Variants in SOX5 observed in about 807,000 individuals in gnomAD.
The protein encoded by SOX5 is transcription factor SOX-5.
A neutral mutation model predicts 92.0 loss-of-function variants in SOX5; 9 were observed. The ratio of observed to expected loss-of-function variants is 0.10; its 90% CI spans 0.06 to 0.17. The LOEUF is 0.17. SOX5 is among the 10% of genes least tolerant of loss of function. The pLI is 1.00. For missense variants in SOX5, 642 were observed against 944.5 expected (o/e 0.68, Z 4.20); for synonymous variants, 344 against 336.3 (o/e 1.02, Z -0.25).
chr12:24,422,395 A>G (rs2136945820), intron 1 of SOX5, among the ~76,000 whole-genome samples: 1 of 152,302 alleles, frequency 6.6e-6, no homozygotes. Flanking sequence ...GGAATAAAGC[A>G]TTTAATTCCC....
intron 1 of SOX5, among the ~76,000 whole-genome samples, chr12:24,516,801 G>A (rs537269221): frequency 3.6e-4 from 55 of 152,178 alleles, no homozygotes; most frequent in African/African-American, 1.2e-3. Flanking sequence ...AGTATTTTCA[G>A]CATAATTTTT....
intron 1 of SOX5, among the ~76,000 whole-genome samples, chr12:24,401,708 TAAAA>T (rs71063321): frequency 2.6e-4 from 26 of 99,460 alleles, no homozygotes; most frequent in Admixed American, 4.7e-4. Context: ...ACCCTATCTT[TAAAA>T]AAAAAAAAAA....
chr12:24,310,429 C>T (rs956100862), intron 2 of SOX5, among the ~76,000 whole-genome samples: 1 of 152,114 alleles, frequency 6.6e-6, no homozygotes, highest in African/African-American at 2.4e-5. Flanking sequence ...TATTTAAAAG[C>T]TTTCCTGAAA....
chr12:23,603,455 T>C (rs2074816631), intron 9 of SOX5, among the ~76,000 whole-genome samples: 1 of 144,946 alleles, frequency 6.9e-6, no homozygotes. Flanking sequence ...AATATATATA[T>C]ATATATATAT....
At chr12:24,384,329 G>A (rs1290543006) in intron 1 of SOX5, among the ~76,000 whole-genome samples, 1 of 152,122 alleles carries the variant, frequency 6.6e-6, no homozygotes, top group Non-Finnish European at 1.5e-5. Context: ...GGTAATGCTG[G>A]CTCACCTGCT....
At chr12:24,458,182 G>A (rs989382176) in intron 1 of SOX5, among the ~76,000 whole-genome samples, 2 of 152,014 alleles carry the variant, frequency 1.3e-5, no homozygotes, top group South Asian at 4.1e-4. Context: ...GTTAAATCTG[G>A]CAACGTATCC....
chr12:23,709,561 C>T (rs879523087), intron 6 of SOX5, among the ~76,000 whole-genome samples: 6 of 152,144 alleles, frequency 3.9e-5, no homozygotes, highest in Admixed American at 2.0e-4. Context: ...CAAAATCCTA[C>T]GAGAGCCGCT....
At chr12:24,294,280 GT>G (rs75673184) in intron 2 of SOX5, among the ~76,000 whole-genome samples, 165 of 144,970 alleles carry the variant, frequency 1.1e-3, no homozygotes, top group African/African-American at 2.8e-3. Context: ...TAACTCATGG[GT>G]TTTTTTTTTT....
intron 8 of SOX5, among the ~76,000 whole-genome samples, chr12:23,629,548 C>A (rs972065383): frequency 6.6e-6 from 1 of 151,984 alleles, no homozygotes. Context: ...TTAACTCAAA[C>A]AATTTTAACC....
chr12:24,287,352 GT>G (rs940359663), intron 2 of SOX5, among the ~76,000 whole-genome samples: 3 of 152,064 alleles, frequency 2.0e-5, no homozygotes, highest in Admixed American at 2.0e-4. Flanking sequence ...ACTTTTTCTC[GT>G]CTTTAAAATC....
At chr12:24,428,523 G>A (rs192084983) in intron 1 of SOX5, among the ~76,000 whole-genome samples, 2 of 152,030 alleles carry the variant, frequency 1.3e-5, no homozygotes, top group East Asian at 3.9e-4. Context: ...TGTAATCCCA[G>A]CACTTTCAGA....
intron 1 of SOX5, among the ~76,000 whole-genome samples, chr12:23,929,270 CAA>C (rs1485983195): frequency 6.6e-6 from 1 of 151,766 alleles, no homozygotes; most frequent in East Asian, 1.9e-4. Flanking sequence ...ATTGTGGAAA[CAA>C]AGTTATATAT....
At chr12:23,713,743 A>T (rs978229055) in intron 6 of SOX5, among the ~76,000 whole-genome samples, 1 of 148,242 alleles carries the variant, frequency 6.7e-6, no homozygotes, top group Admixed American at 6.8e-5. Context: ...TAATATACAT[A>T]TATATGCGTG....
At chr12:24,557,772 GTT>G (rs1164543855) in intron 1 of SOX5, among the ~76,000 whole-genome samples, 1 of 152,084 alleles carries the variant, frequency 6.6e-6, no homozygotes, top group Non-Finnish European at 1.5e-5. Flanking sequence ...GGGGTGTTTT[GTT>G]TTTACTTATA....
At chr12:24,187,102 G>C (rs1470942750) in intron 4 of SOX5, among the ~76,000 whole-genome samples, 2 of 152,144 alleles carry the variant, frequency 1.3e-5, no homozygotes, top group Non-Finnish European at 2.9e-5. Flanking sequence ...GTAAACCATG[G>C]AAGCACAATC....
chr12:24,013,276 G>A (rs936430049), intron 4 of SOX5, among the ~76,000 whole-genome samples: 2 of 152,130 alleles, frequency 1.3e-5, no homozygotes, highest in African/African-American at 2.4e-5. Flanking sequence ...AGTCTGAACA[G>A]TGTTGACTTA....
chr12:24,527,773 A>C (rs761930760), intron 1 of SOX5, among the ~76,000 whole-genome samples: 2 of 152,258 alleles, frequency 1.3e-5, no homozygotes, highest in African/African-American at 4.8e-5. Flanking sequence ...AAATATAAAC[A>C]TAGCACTAGC....
Position 23,863,793 on chromosome 12 carries a change from T to TACACAC in SOX5, c.271-17606_271-17601dup, listed in dbSNP as rs71059936. Among the ~76,000 whole-genome samples, 785 of 145,756 alleles carry TACACAC rather than the reference T, an allele frequency of 5.4e-3. 6 individuals carry two copies. The highest frequency in any genetic ancestry group is 0.014 in the Middle Eastern group (4 of 286). ...CTCCTAAATAACATTTTAAACACACTACACACACACACACACACACACACA... is the reference window on the plus strand; with the variant it reads ...CTCCTAAATAACATTTTAAACACACTACACACACACACACACACACACACACACACA... On this transcript the variant is annotated intron_variant, in intron 2 of 14. Transcript: ENST00000451604.
At chr12:23,747,854 G>A (rs942250218) in intron 4 of SOX5, among the ~76,000 whole-genome samples, 4 of 151,600 alleles carry the variant, frequency 2.6e-5, no homozygotes, top group Admixed American at 2.0e-4. Context: ...GTGTTCACAG[G>A]GCAGCTCCCA....
Sources: gnomAD v4.1 joint callset for allele counts (sites outside exome capture counted in the v4.1 genomes callset) on GRCh38, gnomAD v4.1.1 for gene constraint, MANE v1.5 for transcripts, NCBI Gene and HGNC (gene_info 2026-07-23, HGNC 2026-07-21) for gene names.